The following SLFN12L variants were observed in gnomAD, a reference collection of about 807,000 sequenced individuals.
SLFN12L encodes the protein schlafen family member 12 like, also known as schlafen family member 12-like.
SLFN12L carries 34 observed loss-of-function variants against 34.8 expected under a neutral mutation model. The observed-to-expected ratio is 0.98, with a 90% CI of 0.74 to 1.30. The LOEUF (loss-of-function observed/expected upper bound fraction) is 1.30, where lower values mean the gene tolerates loss of function less well. SLFN12L is among the 50% of genes most tolerant of loss of function. The pLI, the probability that SLFN12L is intolerant of heterozygous loss-of-function variation, is 0.00. For synonymous variants in SLFN12L, 259 were observed against 247.5 expected (o/e 1.05, Z -0.44); for missense variants, 703 against 696.2 (o/e 1.01, Z -0.11).
At chr17:35,498,450 A>T in intron 2 of SLFN12L, 1 of 1,306,976 alleles carries the variant, frequency 7.7e-7, no homozygotes, top group Non-Finnish European at 1.1e-6. Flanking sequence ...ACGACTGCGG[A>T]ATTTTCTCAT....
chr17:35,506,062 G>C (rs1254470296), intron 2 of SLFN12L, among the ~76,000 whole-genome samples: 1 of 152,190 alleles, frequency 6.6e-6, no homozygotes, highest in Admixed American at 6.5e-5. Context: ...TGACCAACCT[G>C]ATGTGTGTTA....
intron 2 of SLFN12L, among the ~76,000 whole-genome samples, chr17:35,484,219 T>A (rs1914485158): frequency 6.6e-6 from 1 of 152,160 alleles, no homozygotes; most frequent in Non-Finnish European, 1.5e-5. Context: ...AGAACTCCCA[T>A]ATTTGTCCTT....
chr17:35,520,571 C>G (rs1597877957), intron 2 of SLFN12L, among the ~76,000 whole-genome samples: 1 of 152,070 alleles, frequency 6.6e-6, no homozygotes, highest in African/African-American at 2.4e-5. Flanking sequence ...ATGGCAAAAC[C>G]CGTACTCTAT....
intron 2 of SLFN12L, among the ~76,000 whole-genome samples, chr17:35,495,590 G>A (rs1915024441): frequency 6.6e-6 from 1 of 152,142 alleles, no homozygotes; most frequent in South Asian, 2.1e-4. Flanking sequence ...TGCTGCAGGT[G>A]TCCCTGCTCC....
At chr17:35,527,598 A>T (rs1318767923) in intron 1 of SLFN12L, among the ~76,000 whole-genome samples, 1 of 152,186 alleles carries the variant, frequency 6.6e-6, no homozygotes, top group East Asian at 1.9e-4. Flanking sequence ...CGAATGACAA[A>T]AGCCACATGA....
intron 2 of SLFN12L, among the ~76,000 whole-genome samples, chr17:35,511,614 G>A (rs1379480239): frequency 7.1e-6 from 1 of 141,094 alleles, no homozygotes; most frequent in Non-Finnish European, 1.5e-5. Context: ...CACACACAGA[G>A]CCCCTATAGT....
intron 2 of SLFN12L, among the ~76,000 whole-genome samples, chr17:35,493,261 C>T (rs1057374690): frequency 1.3e-5 from 2 of 152,118 alleles, no homozygotes; most frequent in African/African-American, 4.8e-5. Flanking sequence ...GGAGAGGGAG[C>T]TTTGTGTAAA....
chr17:35,483,703 G>T (rs1914453574), intron 2 of SLFN12L, among the ~76,000 whole-genome samples: 1 of 152,098 alleles, frequency 6.6e-6, no homozygotes, highest in Non-Finnish European at 1.5e-5. Context: ...TCACTGTTTT[G>T]CTATAGACGA....
Position 35,498,468 on chromosome 17 carries a change from G to C in SLFN12L, c.87-18273C>G, listed in dbSNP as rs191010727. The C allele has an allele frequency of 2.9e-4, 361 of 1,246,962 alleles. No individual in the cohort carries two copies. The African/African-American group carries it at 4.6e-3, about 16-fold the overall frequency. 77.2% of individuals were successfully genotyped at this position (1,246,962 alleles called of 1,614,324 possible). ...ACTGCGGAATTTTCTCATCGATTCT[G>C]ATTCCCCGCATAGCCACGAAGTGAT... On this transcript the variant is annotated intron_variant, in intron 2 of 4. Transcript: ENST00000628453.
chr17:35,483,046 A>G (rs1249404490), intron 2 of SLFN12L, among the ~76,000 whole-genome samples: 1 of 152,168 alleles, frequency 6.6e-6, no homozygotes, highest in Non-Finnish European at 1.5e-5. Flanking sequence ...CCAGCCGCAG[A>G]GTGGAACTAC....
intron 1 of SLFN12L, among the ~76,000 whole-genome samples, chr17:35,528,816 T>A (rs1026984207): frequency 6.6e-6 from 1 of 152,116 alleles, no homozygotes; most frequent in Non-Finnish European, 1.5e-5. Context: ...CCAAAAGCAA[T>A]GGCAACAAAA....
Position 35,466,776 on chromosome 17 carries a change from T to A in SLFN12L, c.*8147A>T, listed in dbSNP as rs1861402796. On this transcript the variant is annotated 3_prime_UTR_variant, in exon 5 of 5. Coordinates refer to ENST00000628453, the MANE Select transcript of SLFN12L (RefSeq NM_001363830.2). ...CTGAAGAGACTTTAACAAGCTCTAC[T>A]CATGCCTCCTAAAGTCTAGACCACC... 1.3e-5 allele frequency among the ~76,000 whole-genome samples: 2 copies of A among 152,188 alleles called. No homozygotes were observed. The highest frequency in any genetic ancestry group is 2.9e-5 in the Non-Finnish European group (2 of 68,020).
chr17:35,489,515 C>T lies in SLFN12L; in HGVS notation c.87-9320G>A, dbSNP rs556145955. On this transcript the variant is annotated intron_variant, in intron 2 of 4. Coordinates refer to ENST00000628453, the MANE Select transcript of SLFN12L (RefSeq NM_001363830.2). ...GCTGCAGTGAGCCGTGATCAGGCTA[C>T]TGCACTCCAGCCTGAGCGACAGAGT... Among the ~76,000 whole-genome samples, 200 of 152,214 alleles carry T rather than the reference C, an allele frequency of 1.3e-3. 1 individual carries two copies. The highest frequency in any genetic ancestry group is 4.5e-3 in the African/African-American group (188 of 41,536).
Position 35,473,646 on chromosome 17 carries a change from A to G in SLFN12L, c.*1277T>C, listed in dbSNP as rs1341196588. 1 of 152,142 alleles carries G rather than the reference A, an allele frequency of 6.6e-6. No individual in the cohort carries two copies. The highest frequency in any genetic ancestry group is 1.5e-5 in the Non-Finnish European group (1 of 68,022). 9.4% of individuals were successfully genotyped at this position (152,142 alleles called of 1,614,324 possible). Reference sequence around the variant, plus strand: ...TATTGTGTCCCTACCAGGTTTTGGTATCAGGATGATACTGGCTTCATAAAA... The same window carrying G: ...TATTGTGTCCCTACCAGGTTTTGGTGTCAGGATGATACTGGCTTCATAAAA... On this transcript the variant is annotated 3_prime_UTR_variant, in exon 5 of 5. Coordinates refer to ENST00000628453, the MANE Select transcript of SLFN12L (RefSeq NM_001363830.2).
At chr17:35,507,705 A>G (rs1915509332) in intron 2 of SLFN12L, among the ~76,000 whole-genome samples, 1 of 152,232 alleles carries the variant, frequency 6.6e-6, no homozygotes, top group Non-Finnish European at 1.5e-5. Flanking sequence ...TATAATAGTA[A>G]TAGAAACCTG....
intron 2 of SLFN12L, among the ~76,000 whole-genome samples, chr17:35,495,681 AC>A (rs1380622576): frequency 1.9e-3 from 48 of 25,044 alleles, no homozygotes; most frequent in African/African-American, 6.9e-3. Context: ...ACCCCACCCC[AC>A]CCCCACCAGT....
rs58553128 is a variant in SLFN12L, at chr17:35,495,900, A to AACACACAC, written c.87-15713_87-15706dup. Among the ~76,000 whole-genome samples, 813 of 138,052 alleles carry AACACACAC rather than the reference A, an allele frequency of 5.9e-3. 4 individuals carry two copies. Among genetic ancestry groups the AACACACAC allele is most frequent in the Non-Finnish European group, 7.9e-3 (505 of 64,302 alleles). 90.6% of individuals were successfully genotyped at this position (138,052 alleles called of 152,430 possible). ...CAGAAGCTGGAGAAAGCCGATTTGA[A>AACACACAC]ACACACACACACACACACACACACA... is the stretch of plus-strand genomic sequence containing the variant. On this transcript the variant is annotated intron_variant, in intron 2 of 4. Coordinates refer to ENST00000628453, the MANE Select transcript of SLFN12L (RefSeq NM_001363830.2).
At chr17:35,512,489 C>G (rs1018710116) in intron 2 of SLFN12L, among the ~76,000 whole-genome samples, 1 of 151,902 alleles carries the variant, frequency 6.6e-6, no homozygotes, top group Non-Finnish European at 1.5e-5. Context: ...CCTCAGCCTC[C>G]TGAGTAGCTG....
At chr17:35,481,891 G>A (rs553243868) in intron 2 of SLFN12L, among the ~76,000 whole-genome samples, 36 of 152,086 alleles carry the variant, frequency 2.4e-4, no homozygotes, top group African/African-American at 8.4e-4. Flanking sequence ...ATGGAGTTTC[G>A]CTCTTGTTGC....
Sources: gnomAD v4.1 joint callset for allele counts (sites outside exome capture counted in the v4.1 genomes callset) on GRCh38, gnomAD v4.1.1 for gene constraint, MANE v1.5 for transcripts, NCBI Gene and HGNC (gene_info 2026-07-23, HGNC 2026-07-21) for gene names.